Variants in PALB2 observed in about 807,000 individuals in gnomAD.
PALB2 encodes the protein partner and localizer of BRCA2, also known as mutant partner and localizer of BRCA2.
A neutral mutation model predicts 107.4 loss-of-function variants in PALB2; 82 were observed. That is an observed-to-expected ratio of 0.76 (90% confidence interval 0.64 to 0.92). The LOEUF is 0.92. PALB2 is among the 40% of genes least tolerant of loss of function. PALB2 has a pLI of 0.00. For missense variants in PALB2, 1,374 were observed against 1,379.9 expected (o/e 1.00, Z 0.07); for synonymous variants, 489 against 496.8 (o/e 0.98, Z 0.21).
chr16:23,616,817 AT>A (rs763117940), intron 10 of PALB2, among the ~76,000 whole-genome samples: 448 of 145,994 alleles, frequency 3.1e-3, no homozygotes, highest in African/African-American at 5.3e-3. Flanking sequence ...AGCTTAAGAA[AT>A]TTTTTTTTTT....
In PALB2 at chr16:23,630,116, C is replaced by G. The variant is rs1223755856; in HGVS notation, c.2038G>C (p.Gly680Arg). The change falls in exon 5 of 13, where the codon GGA becomes CGA. Residue 680 changes from glycine (G) to arginine (R), a missense_variant. Transcript: ENST00000261584. The stretch of plus-strand genomic sequence containing the variant: ...TTTGGCCTTTTGGGATGTGATTTTC[C>G]TGGTAGAACAATAAGGTCCTCTTCT... ...DLEEDLIVLP[G>R]KSHPKRPNSQ... The G allele has an allele frequency of 6.2e-7, 1 of 1,614,138 alleles. No individual in the cohort carries two copies. The highest frequency in any genetic ancestry group is 2.2e-5 in the East Asian group (1 of 44,892).
rs763378141 is a variant in PALB2, at chr16:23,636,302, A to G, written c.244T>C (p.Leu82=). The change falls in exon 4 of 13, where the codon TTA becomes CTA. Residue 82 remains leucine, a synonymous_variant. Transcript: ENST00000261584. ...PKNKICVYDK[L]HIKTHLDEET... Reference sequence around the variant, plus strand: ...TCATCAAGATGGGTTTTGATGTGTAACTTGTCATAAACACATATTTTATTT... The same window carrying G: ...TCATCAAGATGGGTTTTGATGTGTAGCTTGTCATAAACACATATTTTATTT... 6.2e-7 allele frequency: 1 copy of G among 1,613,028 alleles called. No individual in the cohort carries two copies. Among genetic ancestry groups the G allele is most frequent in the Admixed American group, 1.7e-5 (1 of 59,928 alleles).
chr16:23,610,309 C>CTTT (rs200742073), intron 11 of PALB2, among the ~76,000 whole-genome samples: 2 of 133,728 alleles, frequency 1.5e-5, no homozygotes, highest in African/African-American at 2.7e-5. Flanking sequence ...AATGTTATTT[C>CTTT]TTTTTTTTTT....
At chr16:23,622,251 C>T (rs1053295268) in intron 9 of PALB2, among the ~76,000 whole-genome samples, 3 of 152,110 alleles carry the variant, frequency 2.0e-5, no homozygotes, top group African/African-American at 7.2e-5. Context: ...GTCTAGAGCT[C>T]AAGAAAGAGC....
intron 10 of PALB2, chr16:23,617,856 C>A (rs1279694540): frequency 1.3e-5 from 2 of 152,196 alleles, no homozygotes; most frequent in African/African-American, 4.8e-5. Flanking sequence ...GTGAAAATAT[C>A]CCCTAAGGGG....
intron 4 of PALB2, among the ~76,000 whole-genome samples, chr16:23,631,540 C>G (rs1021014074): frequency 6.6e-6 from 1 of 151,760 alleles, no homozygotes; most frequent in South Asian, 2.1e-4. Flanking sequence ...TAAATAAATA[C>G]ATAAATAAAT....
intron 10 of PALB2, among the ~76,000 whole-genome samples, chr16:23,614,410 T>G (rs1966642892): frequency 6.6e-6 from 1 of 152,146 alleles, no homozygotes; most frequent in Admixed American, 6.6e-5. Context: ...GTATCATGAT[T>G]TTGTGACACT....
intron 12 of PALB2, chr16:23,606,048 T>C (rs1160589725): frequency 6.6e-6 from 1 of 152,096 alleles, no homozygotes; most frequent in Non-Finnish European, 1.5e-5. Context: ...TCCTACAGGA[T>C]TGGTACCAAA....
rs149194681 is a variant in PALB2, at chr16:23,607,894, A to G, written c.3320T>C (p.Leu1107Pro). 9.9e-6 allele frequency: 16 copies of G among 1,613,994 alleles called. No individual in the cohort carries two copies. The highest frequency in any genetic ancestry group is 1.6e-4 in the Middle Eastern group (1 of 6,064). The change falls in exon 12 of 13, where the codon CTG (leucine) becomes CCG (proline). Residue 1107 changes from leucine to proline, a missense_variant. Coordinates refer to ENST00000261584, the MANE Select transcript of PALB2 (RefSeq NM_024675.4). ...AGCCTGCCCTGGAGGAAGACAGTACAGCATCACACCCACGCTGAGAGTCGT... is the reference window on the plus strand; with the variant it reads ...AGCCTGCCCTGGAGGAAGACAGTACGGCATCACACCCACGCTGAGAGTCGT... Reference protein sequence around the residue: ...PKTTLSVGVMLYCLPPGQAGR... With the variant: ...PKTTLSVGVMPYCLPPGQAGR...
At chr16:23,624,949 C>G (rs995033834) in intron 7 of PALB2, among the ~76,000 whole-genome samples, 1 of 152,120 alleles carries the variant, frequency 6.6e-6, no homozygotes, top group Admixed American at 6.5e-5. Flanking sequence ...AAAATAATGC[C>G]TTGGTGAAGG....
chr16:23,629,351 G>T, intron 5 of PALB2, 76 bp from the exon 6 acceptor site: 2 of 1,285,770 alleles, frequency 1.6e-6, no homozygotes, highest in Non-Finnish European at 2.3e-6. Context: ...TCATCAAAAT[G>T]TCTACTTCGT....
At chr16:23,605,873 C>G in intron 12 of PALB2, 1 of 152,214 alleles carries the variant, frequency 6.6e-6, no homozygotes, top group Non-Finnish European at 1.5e-5. Flanking sequence ...CATGTGAGGA[C>G]ACATCTATGA....
rs1555460707 is a variant in PALB2 at position 23,630,489 on chromosome 16, C to T, written c.1685-20G>A. Reference sequence around the variant, plus strand: ...TCTTCCCTAAAGAAGAAAAATAAGTCACAAAATAGTAACAAAACCCAACAA... The same window carrying T: ...TCTTCCCTAAAGAAGAAAAATAAGTTACAAAATAGTAACAAAACCCAACAA... On this transcript the variant is annotated intron_variant, in intron 4 of 12. Coordinates refer to ENST00000261584, the MANE Select transcript of PALB2 (RefSeq NM_024675.4). The T allele has an allele frequency of 6.4e-7, 1 of 1,565,546 alleles. No homozygotes were observed. The highest frequency in any genetic ancestry group is 8.7e-7 in the Non-Finnish European group (1 of 1,143,236).
In PALB2 at chr16:23,623,992, C is replaced by T. The variant is rs1389763153; in HGVS notation, c.2834+17G>A. The T allele has an allele frequency of 6.5e-7, 1 of 1,535,446 alleles. No homozygotes were observed. The highest frequency in any genetic ancestry group is 2.3e-5 in the East Asian group (1 of 44,384). ...AAAGATGAAGGAAAAACAAATCACT[C>T]CTTGGGAATTACATACCTGATCTCT... On this transcript the variant is annotated intron_variant, in intron 8 of 12. Coordinates refer to ENST00000261584, the MANE Select transcript of PALB2 (RefSeq NM_024675.4).
chr16:23,629,444 A>G (rs540092575), intron 5 of PALB2, among the ~76,000 whole-genome samples, 169 bp from the exon 6 acceptor site: 1 of 152,362 alleles, frequency 6.6e-6, no homozygotes, highest in Non-Finnish European at 1.5e-5. Flanking sequence ...AGGACCTCCC[A>G]TATTTAAAAG....
intron 4 of PALB2, among the ~76,000 whole-genome samples, chr16:23,630,921 G>A (rs900066998): frequency 4.6e-5 from 7 of 151,556 alleles, no homozygotes; most frequent in African/African-American, 1.7e-4. Flanking sequence ...ACCAGCCTGG[G>A]CAACACAGTG....
At chr16:23,638,780 C>T (rs1453653708) in intron 1 of PALB2, among the ~76,000 whole-genome samples, 1 of 152,168 alleles carries the variant, frequency 6.6e-6, no homozygotes, top group Non-Finnish European at 1.5e-5. Flanking sequence ...ACAGGGACTA[C>T]TTTAGTTACA....
rs528114477 is a variant in PALB2, at chr16:23,611,020, C to T, written c.3201+2984G>A. On this transcript the variant is annotated intron_variant, in intron 11 of 12. Transcript: ENST00000261584. ...CACCACTGTACTCCAGCCTGGGTGA[C>T]AGAGCAAGAATCTTGTCTCAAAAAA... Among the ~76,000 whole-genome samples, 272 of 151,980 alleles carry T rather than the reference C, an allele frequency of 1.8e-3. 2 individuals carry two copies. The highest frequency in any genetic ancestry group is 9.5e-3 in the South Asian group (46 of 4,822).
chr16:23,608,410 C>A (rs1966521006), intron 11 of PALB2, among the ~76,000 whole-genome samples: 1 of 152,106 alleles, frequency 6.6e-6, no homozygotes, highest in African/African-American at 2.4e-5. Flanking sequence ...TTTAGCCAGT[C>A]TTGCCAGGCA....
Sources: gnomAD v4.1 joint callset for allele counts (sites outside exome capture counted in the v4.1 genomes callset) on GRCh38, gnomAD v4.1.1 for gene constraint, MANE v1.5 for transcripts, NCBI Gene and HGNC (gene_info 2026-07-23, HGNC 2026-07-21) for gene names.